The following RIMS4 variants were observed in gnomAD, a reference collection of about 807,000 sequenced individuals.
RIMS4 encodes regulating synaptic membrane exocytosis protein 4.
RIMS4 carries 9 observed loss-of-function variants against 29.0 expected under a neutral mutation model. The observed-to-expected ratio is 0.31, with a 90% CI of 0.19 to 0.54. RIMS4 has a LOEUF of 0.54. RIMS4 is among the 20% of genes least tolerant of loss of function. The pLI, the probability that RIMS4 is intolerant of heterozygous loss-of-function variation, is 0.94. For missense variants in RIMS4, 193 were observed against 365.7 expected (o/e 0.53, Z 3.85); for synonymous variants, 130 against 152.9 (o/e 0.85, Z 1.10).
rs756106192 is a variant in RIMS4 at position 44,752,535 on chromosome 20, A to G, written c.*3599T>C. The G allele has an allele frequency of 1.3e-5, 2 of 152,458 alleles. No individual in the cohort carries two copies. Among genetic ancestry groups the G allele is most frequent in the Non-Finnish European group, 2.9e-5 (2 of 68,210 alleles). 9.4% of individuals were successfully genotyped at this position (152,458 alleles called of 1,614,324 possible). A position where few individuals can be genotyped will look rare whatever the true frequency, so the allele number is the denominator to read the frequency against. On this transcript the variant is annotated 3_prime_UTR_variant, in exon 6 of 6. Transcript: ENST00000372851. ...CACTAACACAGTGGGACCTCAGGCA[A>G]GCACTTTCCCCTCCCAGGACCTCAG...
At chr20:44,794,678 C>A (rs1487439931) in intron 1 of RIMS4, among the ~76,000 whole-genome samples, 1 of 152,194 alleles carries the variant, frequency 6.6e-6, no homozygotes, top group Admixed American at 6.5e-5. Context: ...GCCTTCAAAC[C>A]GGCACTTCCC....
chr20:44,795,286 T>G (rs2066249862), intron 1 of RIMS4, among the ~76,000 whole-genome samples: 1 of 152,224 alleles, frequency 6.6e-6, no homozygotes, highest in African/African-American at 2.4e-5. Flanking sequence ...TTGGACCCTG[T>G]GTGATCTTGG....
chr20:44,775,255 G>C (rs1288523202), intron 1 of RIMS4, among the ~76,000 whole-genome samples: 2 of 152,090 alleles, frequency 1.3e-5, no homozygotes, highest in African/African-American at 4.8e-5. Context: ...TTGACCCACT[G>C]TAGTGAACAA....
At chr20:44,766,676 G>C (rs1162545764) in intron 2 of RIMS4, among the ~76,000 whole-genome samples, 4 of 152,206 alleles carry the variant, frequency 2.6e-5, no homozygotes, top group Admixed American at 6.5e-5. Context: ...GGATTGGAGA[G>C]GGGGAACTGT....
Position 44,754,290 on chromosome 20 carries a change from C to T in RIMS4, c.*1844G>A, listed in dbSNP as rs1444034455. ...CCCCTTCCCAGTGCAGGGTAAGCAGCTCTGTGGAGGTGATATACATTGACC... is the reference window on the plus strand; with the variant it reads ...CCCCTTCCCAGTGCAGGGTAAGCAGTTCTGTGGAGGTGATATACATTGACC... On this transcript the variant is annotated 3_prime_UTR_variant, in exon 6 of 6. Transcript: ENST00000372851. The T allele has an allele frequency of 6.5e-6, 1 of 154,382 alleles. No homozygotes were observed. The highest frequency in any genetic ancestry group is 1.5e-5 in the Non-Finnish European group (1 of 68,852). 9.6% of individuals were successfully genotyped at this position (154,382 alleles called of 1,614,324 possible).
intron 1 of RIMS4, among the ~76,000 whole-genome samples, chr20:44,780,374 G>C (rs1285023156): frequency 6.6e-6 from 1 of 152,216 alleles, no homozygotes; most frequent in Non-Finnish European, 1.5e-5. Flanking sequence ...TGAGCACAGA[G>C]GACTGGGCCT....
intron 3 of RIMS4, 149 bp downstream of exon 3, chr20:44,757,923 T>C: frequency 1.1e-6 from 1 of 933,894 alleles, no homozygotes; most frequent in Non-Finnish European, 1.7e-6. Flanking sequence ...GCCTAGGCTC[T>C]GCTGAGGGCT....
chr20:44,800,498 G>A (rs2066273393), intron 1 of RIMS4, among the ~76,000 whole-genome samples: 1 of 151,946 alleles, frequency 6.6e-6, no homozygotes, highest in South Asian at 2.1e-4. Context: ...AAATGTTGTA[G>A]CATCTGCATA....
intron 2 of RIMS4, among the ~76,000 whole-genome samples, chr20:44,767,018 TC>T (rs1370911727): frequency 6.6e-6 from 1 of 152,216 alleles, no homozygotes. Flanking sequence ...TCACATGGGT[TC>T]CGAGAGTTCC....
At chr20:44,766,611 A>G (rs187819154) in intron 2 of RIMS4, among the ~76,000 whole-genome samples, 2 of 152,318 alleles carry the variant, frequency 1.3e-5, no homozygotes, top group East Asian at 3.9e-4. Context: ...GATGGATTCA[A>G]GAGATCATTA....
At chr20:44,785,123 T>C (rs2145465827) in intron 1 of RIMS4, among the ~76,000 whole-genome samples, 1 of 152,134 alleles carries the variant, frequency 6.6e-6, no homozygotes, top group Admixed American at 6.5e-5. Context: ...CTCTTGGGAG[T>C]GGATAAAAGC....
chr20:44,768,511 C>G lies in RIMS4; in HGVS notation c.236+2764G>C, dbSNP rs999809943. On this transcript the variant is annotated intron_variant, in intron 2 of 5. Transcript: ENST00000372851. ...CCCGGCATTTGGGCCAAACCAGTGC[C>G]CAAAATGCCTACAGAACAAGAAGTC... Among the ~76,000 whole-genome samples, 7 of 152,206 alleles carry G rather than the reference C, an allele frequency of 4.6e-5. No individual in the cohort carries two copies. In the East Asian group the frequency reaches 1.3e-3, roughly 29 times the overall value.
rs755329430 is a variant in RIMS4, at chr20:44,756,425, G to A, written c.592-73C>T. ...CAGGCCCAGAAGCAGAACCTGGGTC[G>A]CCCCATGCCCAATCCAGCTCAGTCC... On this transcript the variant is annotated intron_variant, in intron 5 of 5. Transcript: ENST00000372851. The surrounding 1 kb of genome is among the most constrained non-coding windows in gnomAD (Gnocchi z 5.9). The A allele has an allele frequency of 2.0e-5, 26 of 1,277,054 alleles. No homozygotes were observed. Among genetic ancestry groups the A allele is most frequent in the African/African-American group, 4.4e-5 (3 of 67,984 alleles). 79.1% of individuals were successfully genotyped at this position (1,277,054 alleles called of 1,614,324 possible).
chr20:44,795,439 T>C (rs147199412), intron 1 of RIMS4, among the ~76,000 whole-genome samples: 1 of 152,150 alleles, frequency 6.6e-6, no homozygotes, highest in East Asian at 1.9e-4. Flanking sequence ...ATCGAGACCA[T>C]CCTGGCTAAT....
chr20:44,765,460 T>C lies in RIMS4; in HGVS notation c.236+5815A>G, dbSNP rs1315004683. On this transcript the variant is annotated intron_variant, in intron 2 of 5. Transcript: ENST00000372851. ...TGAGTATTAAATGAGATAAACGCCT[T>C]AGAACAGAGTCTGGCATACTCAAAT... 7.9e-5 allele frequency among the ~76,000 whole-genome samples: 12 copies of C among 152,156 alleles called. 1 individual carries two copies. Among genetic ancestry groups the C allele is most frequent in the Admixed American group, 7.9e-4 (12 of 15,272 alleles).
At chr20:44,801,586 G>A (rs1054184382) in intron 1 of RIMS4, among the ~76,000 whole-genome samples, 3 of 152,050 alleles carry the variant, frequency 2.0e-5, no homozygotes, top group African/African-American at 7.2e-5. Context: ...GTTCTCTCTG[G>A]ACGAAAAAGG....
chr20:44,764,257 C>CCATCCATCCATCCATCCATCCAT (rs1229010906), intron 2 of RIMS4, among the ~76,000 whole-genome samples: 2 of 50,726 alleles, frequency 3.9e-5, no homozygotes, highest in African/African-American at 1.3e-4. Flanking sequence ...CATCCATCCT[C>CCATCCATCCATCCATCCATCCAT]CCACAAACTC....
At chr20:44,786,693 C>A (rs897984480) in intron 1 of RIMS4, among the ~76,000 whole-genome samples, 6 of 152,194 alleles carry the variant, frequency 3.9e-5, no homozygotes, top group African/African-American at 1.4e-4. Flanking sequence ...TCCTCAAGAA[C>A]TGGAATTCTC....
chr20:44,788,815 C>T (rs919590209), intron 1 of RIMS4, among the ~76,000 whole-genome samples: 1 of 151,902 alleles, frequency 6.6e-6, no homozygotes, highest in Non-Finnish European at 1.5e-5. Context: ...AAAAATGATA[C>T]TGATGATGCT....
Sources: allele counts gnomAD v4.1 joint callset (sites outside exome capture counted in the v4.1 genomes callset), GRCh38; gene constraint gnomAD v4.1.1; non-coding constraint Gnocchi (gnomAD v3.1); transcripts MANE v1.5; gene names NCBI Gene and HGNC (gene_info 2026-07-23, HGNC 2026-07-21).